Variants in CLYBL observed in about 807,000 individuals in gnomAD.
CLYBL encodes the protein citramalyl-CoA lyase.
In CLYBL, 31 loss-of-function variants were observed where a neutral mutation model predicts 38.9. The ratio of observed to expected loss-of-function variants is 0.80; its 90% confidence interval spans 0.60 to 1.08. The LOEUF is 1.08. CLYBL is among the 50% of genes least tolerant of loss of function. The probability of loss-of-function intolerance (pLI) is 0.00; values close to 1 mark genes in which losing one functional copy is unlikely to be tolerated. For missense variants in CLYBL, 434 were observed against 411.6 expected (o/e 1.05, Z -0.47); for synonymous variants, 171 against 158.6 (o/e 1.08, Z -0.59).
chr13:99,637,507 T>G (rs2047035580), intron 1 of CLYBL, among the ~76,000 whole-genome samples: 1 of 152,196 alleles, frequency 6.6e-6, no homozygotes, highest in South Asian at 2.1e-4. Flanking sequence ...ACGCCTGTAA[T>G]CCTAACACTT....
intron 3 of CLYBL, among the ~76,000 whole-genome samples, chr13:99,862,472 C>T (rs1301941289): frequency 1.0e-5 from 1 of 97,060 alleles, no homozygotes; most frequent in African/African-American, 5.7e-5. Flanking sequence ...TAAGGTCTTC[C>T]TAGGTAAGCT....
chr13:99,723,027 A>G (rs1380056461), intron 1 of CLYBL, among the ~76,000 whole-genome samples: 1 of 152,226 alleles, frequency 6.6e-6, no homozygotes, highest in East Asian at 1.9e-4. Context: ...CCCTGTTTTA[A>G]TTCACACTTC....
At chr13:99,630,595 A>G (rs2046929660) in intron 1 of CLYBL, among the ~76,000 whole-genome samples, 1 of 152,068 alleles carries the variant, frequency 6.6e-6, no homozygotes, top group African/African-American at 2.4e-5. Context: ...ATAAAGACAT[A>G]TTATTTTTGG....
In CLYBL at chr13:99,851,805, A is replaced by G. The variant is rs575861226; in HGVS notation, c.250-7056A>G. 7.2e-5 allele frequency among the ~76,000 whole-genome samples: 11 copies of G among 152,336 alleles called. No homozygotes were observed. The South Asian group carries it at 2.3e-3, about 32-fold the overall frequency. ...CAGTTTCTTAAAAGGTCAGACATAC[A>G]GTTACCATATGACCCAGGAATTCTA... On this transcript the variant is annotated intron_variant, in intron 2 of 8. Coordinates refer to ENST00000339105, the MANE Select transcript of CLYBL (RefSeq NM_206808.5).
chr13:99,769,624 G>A (rs2049339706), intron 1 of CLYBL, among the ~76,000 whole-genome samples: 1 of 152,166 alleles, frequency 6.6e-6, no homozygotes, highest in Admixed American at 6.5e-5. Flanking sequence ...AATGAAAAAC[G>A]ATGACAGATA....
chr13:99,775,100 A>T (rs2049483852), intron 2 of CLYBL, among the ~76,000 whole-genome samples: 1 of 152,200 alleles, frequency 6.6e-6, no homozygotes, highest in Non-Finnish European at 1.5e-5. Flanking sequence ...TGTAGTAATC[A>T]TGATTAGAGG....
chr13:99,772,700 A>G, intron 1 of CLYBL, 124 bp from the exon 2 acceptor site: 1 of 859,606 alleles, frequency 1.2e-6, no homozygotes, highest in Non-Finnish European at 1.8e-6. Flanking sequence ...CTGTCTCAAA[A>G]AAATAAAAAT....
chr13:99,783,683 G>A (rs1020849727), intron 2 of CLYBL, among the ~76,000 whole-genome samples: 1 of 152,086 alleles, frequency 6.6e-6, no homozygotes, highest in South Asian at 2.1e-4. Context: ...CTGACCTTAT[G>A]ATCCGCCCGC....
intron 1 of CLYBL, among the ~76,000 whole-genome samples, chr13:99,749,479 A>G (rs2048916056): frequency 6.6e-6 from 1 of 152,142 alleles, no homozygotes; most frequent in Non-Finnish European, 1.5e-5. Context: ...CAGGAACCCC[A>G]CAATAGCCAG....
intron 1 of CLYBL, among the ~76,000 whole-genome samples, chr13:99,659,820 A>G (rs1023839443): frequency 6.6e-6 from 1 of 152,220 alleles, no homozygotes; most frequent in Non-Finnish European, 1.5e-5. Flanking sequence ...GTTTGGCGGC[A>G]TAAATAATTG....
At chr13:99,608,032 A>G (rs1001193949) in intron 1 of CLYBL, among the ~76,000 whole-genome samples, 1 of 144,348 alleles carries the variant, frequency 6.9e-6, no homozygotes, top group South Asian at 2.2e-4. Flanking sequence ...GGCGTGAGCC[A>G]CCATGGCCGG....
intron 2 of CLYBL, among the ~76,000 whole-genome samples, chr13:99,858,502 T>A (rs2051514095): frequency 6.6e-6 from 1 of 152,222 alleles, no homozygotes; most frequent in Non-Finnish European, 1.5e-5. Flanking sequence ...GGAAAGAACA[T>A]AGAACCATGC....
At chr13:99,754,433 A>AAAAAAAG (rs2049017831) in intron 1 of CLYBL, among the ~76,000 whole-genome samples, 2 of 150,432 alleles carry the variant, frequency 1.3e-5, no homozygotes, top group Admixed American at 1.3e-4. Flanking sequence ...AAAAAAAAAA[A>AAAAAAAG]AAAAAAGAGG....
rs2051829315 is a variant in CLYBL at position 99,869,405 on chromosome 13, T to G, written c.803-1533T>G. ...GAACTGACATCCTTTATTAACAATATCCCGACAACTATTAAATTACTTAAA... is the reference window on the plus strand; with the variant it reads ...GAACTGACATCCTTTATTAACAATAGCCCGACAACTATTAAATTACTTAAA... On this transcript the variant is annotated intron_variant, in intron 6 of 8. Transcript: ENST00000339105. The surrounding 1 kb of genome is among the most constrained non-coding windows in gnomAD (Gnocchi z 4.3). Among the ~76,000 whole-genome samples, 1 of 152,138 alleles carries G rather than the reference T, an allele frequency of 6.6e-6. No homozygotes were observed. Among genetic ancestry groups the G allele is most frequent in the African/African-American group, 2.4e-5 (1 of 41,452 alleles).
In CLYBL at chr13:99,871,067, A is replaced by T. The variant is rs748410061; in HGVS notation, c.927+5A>T. On this transcript the variant is annotated splice_donor_5th_base_variant and intron_variant, in intron 7 of 8. Coordinates refer to ENST00000339105, the MANE Select transcript of CLYBL (RefSeq NM_206808.5). The stretch of plus-strand genomic sequence containing the variant: ...GAACATCAACAATTAGGAAAGGTAA[A>T]TGTTTTGTTAATGCCTTGGGTGAGA... 1.2e-6 allele frequency: 2 copies of T among 1,613,820 alleles called. No homozygotes were observed. Among genetic ancestry groups the T allele is most frequent in the Non-Finnish European group, 1.7e-6 (2 of 1,179,728 alleles).
At chr13:99,806,958 C>T (rs939392896) in intron 2 of CLYBL, among the ~76,000 whole-genome samples, 4 of 152,178 alleles carry the variant, frequency 2.6e-5, no homozygotes, top group African/African-American at 4.8e-5. Context: ...GTTATGTGGA[C>T]GGATGATCAA....
At chr13:99,805,557 A>G (rs1299581885) in intron 2 of CLYBL, among the ~76,000 whole-genome samples, 1 of 151,870 alleles carries the variant, frequency 6.6e-6, no homozygotes, top group Non-Finnish European at 1.5e-5. Flanking sequence ...CGCCCTCAGG[A>G]TACTAAAGCT....
chr13:99,644,643 AT>A (rs2047150068), intron 1 of CLYBL, among the ~76,000 whole-genome samples: 1 of 152,180 alleles, frequency 6.6e-6, no homozygotes, highest in Non-Finnish European at 1.5e-5. Flanking sequence ...CTCATTAACC[AT>A]CCCCAGTTTC....
Position 99,865,083 on chromosome 13 carries a change from C to G in CLYBL, c.634+172C>G, listed in dbSNP as rs755441815. On this transcript the variant is annotated intron_variant, in intron 5 of 8. Transcript: ENST00000339105. This position sits in a 1 kb window ranked among gnomAD's most constrained non-coding sequence, Gnocchi z 4.7. ...GACACTACTTCCTGATAATTTAGGG[C>G]TCCTCATAGCTGCCCTGCTTCTAGA... 17 of 660,150 alleles carry G rather than the reference C, an allele frequency of 2.6e-5. No individual in the cohort carries two copies. The highest frequency in any genetic ancestry group is 4.6e-5 in the Non-Finnish European group (16 of 351,222). The allele number at this position is 660,150 out of a possible 1,614,324, so 40.9% of individuals were successfully genotyped here.
Sources: gnomAD v4.1 joint callset for allele counts (sites outside exome capture counted in the v4.1 genomes callset) on GRCh38, gnomAD v4.1.1 for gene constraint, Gnocchi (gnomAD v3.1) non-coding constraint, MANE v1.5 for transcripts, NCBI Gene and HGNC (gene_info 2026-07-23, HGNC 2026-07-21) for gene names.